The following RAB38 variants were observed in gnomAD, a reference collection of about 807,000 sequenced individuals.
RAB38 encodes the protein RAB38, member RAS oncogene family, also known as ras-related protein Rab-38.
Under a neutral mutation model 18.4 loss-of-function variants are expected in RAB38, and 15 were observed. The ratio of observed to expected loss-of-function variants is 0.82; its 90% CI spans 0.55 to 1.26. The LOEUF is 1.26. RAB38 is among the 50% of genes most tolerant of loss of function. The pLI is 0.00. For synonymous variants in RAB38, 101 were observed against 104.4 expected (o/e 0.97, Z 0.20); for missense variants, 294 against 267.4 (o/e 1.10, Z -0.69).
At chr11:88,069,522 G>T in the RAB38 span, among the ~76,000 whole-genome samples, 1 of 152,208 alleles carries the variant, frequency 6.6e-6, no homozygotes, top group Non-Finnish European at 1.5e-5. Flanking sequence ...AGTGGGGTGG[G>T]GATTTGGAGA....
chr11:87,813,111 G>A, the RAB38 span, among the ~76,000 whole-genome samples: 1 of 152,168 alleles, frequency 6.6e-6, no homozygotes, highest in Non-Finnish European at 1.5e-5. Flanking sequence ...GGAATAAAAT[G>A]AAATGCGTCT....
chr11:87,901,932 T>C, the RAB38 span, among the ~76,000 whole-genome samples: 3 of 151,412 alleles, frequency 2.0e-5, no homozygotes, highest in Admixed American at 2.0e-4. Flanking sequence ...GACTTTTTTT[T>C]TTTTTTTTAA....
chr11:87,935,467 G>A, the RAB38 span, among the ~76,000 whole-genome samples: 2 of 152,018 alleles, frequency 1.3e-5, no homozygotes, highest in Non-Finnish European at 2.9e-5. Flanking sequence ...TGTAGAGTTT[G>A]TTATTCTGTC....
chr11:88,017,364 T>TACACACACAC, the RAB38 span, among the ~76,000 whole-genome samples: 1 of 150,438 alleles, frequency 6.6e-6, no homozygotes, highest in African/African-American at 2.4e-5. Flanking sequence ...TATAGACACA[T>TACACACACAC]ACACACACAC....
At chr11:87,874,771 AC>A in the RAB38 span, among the ~76,000 whole-genome samples, 1 of 151,574 alleles carries the variant, frequency 6.6e-6, no homozygotes, top group Non-Finnish European at 1.5e-5. Flanking sequence ...TGTTAAAAAT[AC>A]CTTTTATCAA....
At chr11:87,883,675 T>A in the RAB38 span, among the ~76,000 whole-genome samples, 1 of 151,920 alleles carries the variant, frequency 6.6e-6, no homozygotes, top group East Asian at 2.0e-4. Flanking sequence ...TAATCACTTG[T>A]ATTCTTAACA....
chr11:87,850,093 C>G, the RAB38 span, among the ~76,000 whole-genome samples: 1 of 152,156 alleles, frequency 6.6e-6, no homozygotes, highest in Non-Finnish European at 1.5e-5. Flanking sequence ...CATACACACT[C>G]TACATTAAAA....
chr11:88,021,853 CAAAAAAA>C, the RAB38 span, among the ~76,000 whole-genome samples: 2,309 of 120,410 alleles, frequency 0.019, 57 homozygotes, highest in African/African-American at 0.065. Flanking sequence ...AACTCCATCT[CAAAAAAA>C]AAAAAAAAAG....
the RAB38 span, among the ~76,000 whole-genome samples, chr11:88,035,704 CAAATTTGGTTGACTA>C: frequency 6.6e-6 from 1 of 152,342 alleles, no homozygotes; most frequent in East Asian, 1.9e-4. Flanking sequence ...CTGAATACCT[CAAATTTGGTTGACTA>C]AGCGTCTTGA....
the RAB38 span, among the ~76,000 whole-genome samples, chr11:88,059,494 C>G: frequency 6.6e-6 from 1 of 152,212 alleles, no homozygotes; most frequent in Non-Finnish European, 1.5e-5. Context: ...GATCATGAAT[C>G]ATGCAGCTCA....
At chr11:87,943,109 A>G in the RAB38 span, among the ~76,000 whole-genome samples, 3 of 151,982 alleles carry the variant, frequency 2.0e-5, no homozygotes, top group East Asian at 1.9e-4. Flanking sequence ...GAAATTTACA[A>G]TACCCCATGG....
the RAB38 span, among the ~76,000 whole-genome samples, chr11:88,085,599 A>G: frequency 6.6e-6 from 1 of 151,952 alleles, no homozygotes; most frequent in African/African-American, 2.4e-5. Context: ...AGTTACATCA[A>G]TTCAAATGAT....
chr11:87,961,323 A>C, the RAB38 span, among the ~76,000 whole-genome samples: 1 of 152,188 alleles, frequency 6.6e-6, no homozygotes, highest in East Asian at 1.9e-4. Flanking sequence ...GCTTAAAAAT[A>C]ACAAGTTTAA....
chr11:88,112,709 A>T (rs1369980418), downstream of RAB38, among the ~76,000 whole-genome samples: 1 of 151,914 alleles, frequency 6.6e-6, no homozygotes, highest in Non-Finnish European at 1.5e-5. Context: ...AGGAGGTGGA[A>T]GTTGCAGTGA....
chr11:88,100,822 G>C, the RAB38 span, among the ~76,000 whole-genome samples: 2 of 151,932 alleles, frequency 1.3e-5, no homozygotes, highest in Non-Finnish European at 2.9e-5. Flanking sequence ...GTAGGAGCCT[G>C]TAGGTTATAA....
chr11:88,071,716 T>C, the RAB38 span, among the ~76,000 whole-genome samples: 9 of 152,242 alleles, frequency 5.9e-5, no homozygotes, highest in African/African-American at 1.7e-4. Context: ...AGCAATTGAT[T>C]GGTAATAGGG....
At chr11:88,027,419 C>G in the RAB38 span, among the ~76,000 whole-genome samples, 2 of 152,160 alleles carry the variant, frequency 1.3e-5, no homozygotes, top group Non-Finnish European at 2.9e-5. Context: ...CAGGGTGAGG[C>G]ATTGCCTCAC....
At chr11:87,918,426 A>G in the RAB38 span, among the ~76,000 whole-genome samples, 1 of 152,168 alleles carries the variant, frequency 6.6e-6, no homozygotes, top group Non-Finnish European at 1.5e-5. Flanking sequence ...ACTGGATCAT[A>G]TAGTAGTTCT....
the RAB38 span, among the ~76,000 whole-genome samples, chr11:87,960,608 ACTTT>A: frequency 7.2e-5 from 11 of 152,294 alleles, no homozygotes; most frequent in African/African-American, 2.4e-4. Context: ...AACTGAGGTT[ACTTT>A]CTTTATATCA....
Sources: gnomAD v4.1 joint callset for allele counts (sites outside exome capture counted in the v4.1 genomes callset) on GRCh38, gnomAD v4.1.1 for gene constraint, MANE v1.5 for transcripts, NCBI Gene and HGNC (gene_info 2026-07-23, HGNC 2026-07-21) for gene names.